Variants in SPMAP2L observed in about 807,000 individuals in gnomAD.
The protein encoded by SPMAP2L is sperm microtubule associated protein 2-like.
chr4:56,559,418 C>T, the SPMAP2L span: 2 of 1,526,634 alleles, frequency 1.3e-6, no homozygotes, highest in South Asian at 1.2e-5. Context: ...AATCAAGATC[C>T]TATTCGCCCT....
At chr4:56,559,191 C>T in the SPMAP2L span, among the ~76,000 whole-genome samples, 1 of 150,876 alleles carries the variant, frequency 6.6e-6, no homozygotes, top group Non-Finnish European at 1.5e-5. Flanking sequence ...ATCCCAGCTA[C>T]TCGGGTGGCT....
At chr4:56,585,032 AG>A in the SPMAP2L span, among the ~76,000 whole-genome samples, 1 of 152,162 alleles carries the variant, frequency 6.6e-6, no homozygotes, top group Non-Finnish European at 1.5e-5. Context: ...GATGGAGGAA[AG>A]GTTGATTCTA....
chr4:56,553,636 A>G, the SPMAP2L span, among the ~76,000 whole-genome samples: 5 of 149,324 alleles, frequency 3.3e-5, no homozygotes, highest in African/African-American at 4.9e-5. Context: ...ATCTTGCATT[A>G]TTGTGGTACA....
At chr4:56,616,192 G>A in the SPMAP2L span, among the ~76,000 whole-genome samples, 1 of 152,162 alleles carries the variant, frequency 6.6e-6, no homozygotes, top group African/African-American at 2.4e-5. Flanking sequence ...TGTCGGTGGG[G>A]TTGTTTTCTT....
At chr4:56,596,587 G>C in the SPMAP2L span, 5 of 1,533,070 alleles carry the variant, frequency 3.3e-6, no homozygotes, top group Admixed American at 9.9e-5. Context: ...CAAGTTAGAG[G>C]GTCTGTGCTA....
chr4:56,621,253 G>A, the SPMAP2L span, among the ~76,000 whole-genome samples: 2 of 152,106 alleles, frequency 1.3e-5, no homozygotes, highest in Non-Finnish European at 2.9e-5. Context: ...AAGCAAAAAT[G>A]TGCTCCAATA....
At chr4:56,589,290 A>G in the SPMAP2L span, among the ~76,000 whole-genome samples, 9 of 152,146 alleles carry the variant, frequency 5.9e-5, no homozygotes, top group Admixed American at 4.6e-4. Context: ...CACCCAGCGT[A>G]TGTGCCTATT....
the SPMAP2L span, among the ~76,000 whole-genome samples, chr4:56,592,704 T>C: frequency 6.6e-6 from 1 of 151,816 alleles, no homozygotes; most frequent in Non-Finnish European, 1.5e-5. Context: ...GGCCGCGGGG[T>C]CGGGGGCGGC....
At chr4:56,611,231 T>C in the SPMAP2L span, among the ~76,000 whole-genome samples, 4 of 152,204 alleles carry the variant, frequency 2.6e-5, no homozygotes, top group Non-Finnish European at 5.9e-5. Flanking sequence ...AAGAAACTGG[T>C]ATATGTATAT....
the SPMAP2L span, chr4:56,596,701 A>G: frequency 5.7e-6 from 8 of 1,393,920 alleles, no homozygotes; most frequent in Non-Finnish European, 6.5e-6. Context: ...TTTTGCCTCT[A>G]CAGGGCATAG....
chr4:56,533,885 G>C, the SPMAP2L span, among the ~76,000 whole-genome samples: 707 of 152,120 alleles, frequency 4.6e-3, 6 homozygotes, highest in African/African-American at 0.016. Flanking sequence ...TCAGCAGTTT[G>C]AGGCAACAGT....
chr4:56,545,330 T>C, the SPMAP2L span, among the ~76,000 whole-genome samples: 1 of 152,212 alleles, frequency 6.6e-6, no homozygotes, highest in Non-Finnish European at 1.5e-5. Flanking sequence ...TTGTAGTCTG[T>C]TTATGTAAGC....
At chr4:56,609,049 T>C in the SPMAP2L span, among the ~76,000 whole-genome samples, 44 of 133,944 alleles carry the variant, frequency 3.3e-4, no homozygotes, top group Admixed American at 2.3e-3. Flanking sequence ...TTTCTTTCTT[T>C]CTTTTTTTTT....
chr4:56,593,274 G>C, the SPMAP2L span: 2 of 1,186,428 alleles, frequency 1.7e-6, no homozygotes, highest in South Asian at 2.4e-5. Flanking sequence ...CTGCAGAGGC[G>C]CTGCAGCTGT....
At chr4:56,613,772 A>G in the SPMAP2L span, among the ~76,000 whole-genome samples, 2 of 152,232 alleles carry the variant, frequency 1.3e-5, no homozygotes, top group African/African-American at 2.4e-5. Context: ...ATATGATTTC[A>G]GATGTTCAGG....
the SPMAP2L span, among the ~76,000 whole-genome samples, chr4:56,550,865 G>A: frequency 6.6e-6 from 1 of 152,004 alleles, no homozygotes; most frequent in Non-Finnish European, 1.5e-5. Context: ...TACTCAGGAG[G>A]CTGAGTTTGG....
chr4:56,567,213 T>C, the SPMAP2L span, among the ~76,000 whole-genome samples: 8 of 141,748 alleles, frequency 5.6e-5, no homozygotes, highest in South Asian at 1.8e-3. Flanking sequence ...GTAGATCTAT[T>C]AAATCTATAC....
chr4:56,543,274 G>A, the SPMAP2L span, among the ~76,000 whole-genome samples: 1 of 152,092 alleles, frequency 6.6e-6, no homozygotes, highest in Admixed American at 6.5e-5. Context: ...TAGTAGAGAC[G>A]GAGTTTCACC....
chr4:56,537,697 C>CT, the SPMAP2L span, among the ~76,000 whole-genome samples: 3,707 of 145,436 alleles, frequency 0.025, 156 homozygotes, highest in African/African-American at 0.086. Flanking sequence ...CTTTTCTTTT[C>CT]TTTTTTTTTT....
Sources: gnomAD v4.1 joint callset for allele counts (sites outside exome capture counted in the v4.1 genomes callset) on GRCh38, gnomAD v4.1.1 for gene constraint, MANE v1.5 for transcripts, NCBI Gene and HGNC (gene_info 2026-07-23, HGNC 2026-07-21) for gene names.